Variants in DLG2 observed in about 807,000 individuals in gnomAD.
DLG2 encodes discs large MAGUK scaffold protein 2, also known as disks large homolog 2.
Under a neutral mutation model 132.5 loss-of-function variants are expected in DLG2, and 45 were observed. The ratio of observed to expected loss-of-function variants is 0.34; its 90% CI spans 0.27 to 0.44. The LOEUF is 0.44. Among genes scored for constraint, DLG2 ranks in the 20% least tolerant of loss-of-function variants. The pLI is 1.00. For synonymous variants in DLG2, 424 were observed against 419.6 expected (o/e 1.01, Z -0.13); for missense variants, 1,045 against 1,196.9 (o/e 0.87, Z 1.87).
At chr11:83,577,582 A>ATATATATATATATATATG (rs2096895555) in intron 19 of DLG2, among the ~76,000 whole-genome samples, 1 of 117,712 alleles carries the variant, frequency 8.5e-6, no homozygotes, top group Non-Finnish European at 1.7e-5. Context: ...ATATATATAT[A>ATATATATATATATATATG]TATATCCTAT....
chr11:84,614,976 T>G (rs1186457955), intron 6 of DLG2, among the ~76,000 whole-genome samples: 2 of 152,014 alleles, frequency 1.3e-5, no homozygotes, highest in East Asian at 1.9e-4. Context: ...AAGAAAGAAA[T>G]AAACATAACT....
chr11:85,541,155 G>A (rs375131303), intron 3 of DLG2, among the ~76,000 whole-genome samples: 30 of 152,080 alleles, frequency 2.0e-4, no homozygotes, highest in East Asian at 1.7e-3. Flanking sequence ...GCCATCCTAA[G>A]GACTTTTAAC....
intron 3 of DLG2, among the ~76,000 whole-genome samples, chr11:85,492,232 T>G (rs1474232573): frequency 6.6e-6 from 1 of 152,184 alleles, no homozygotes; most frequent in African/African-American, 2.4e-5. Flanking sequence ...GTGTATTCGG[T>G]TGGTGCAAAA....
At chr11:84,502,362 CTTT>C (rs2099220005) in intron 7 of DLG2, among the ~76,000 whole-genome samples, 4 of 71,220 alleles carry the variant, frequency 5.6e-5, no homozygotes, top group Non-Finnish European at 1.0e-4. Context: ...TTCTTTCTTT[CTTT>C]CTTTCTTTCT....
chr11:85,060,479 GTA>G (rs150765698), intron 6 of DLG2, among the ~76,000 whole-genome samples: 24 of 149,248 alleles, frequency 1.6e-4, no homozygotes, highest in South Asian at 6.3e-4. Context: ...ATATATATGT[GTA>G]TATATATATA....
At chr11:84,596,435 C>A (rs1262847457) in intron 6 of DLG2, among the ~76,000 whole-genome samples, 1 of 148,790 alleles carries the variant, frequency 6.7e-6, no homozygotes, top group African/African-American at 2.5e-5. Flanking sequence ...GTTGGCCAGG[C>A]TCCTCTCGAA....
chr11:84,254,791 T>C lies in DLG2; in HGVS notation c.520-3500A>G, dbSNP rs145612795. Reference sequence around the variant, plus strand: ...TAAGATCTATGTTATGTGGAATCTATGTTATATGGAAAGTTTATTATTCCT... The same window carrying C: ...TAAGATCTATGTTATGTGGAATCTACGTTATATGGAAAGTTTATTATTCCT... On this transcript the variant is annotated intron_variant, in intron 7 of 27. Transcript: ENST00000376104. 3.3e-3 allele frequency among the ~76,000 whole-genome samples: 502 copies of C among 152,340 alleles called. 3 individuals carry two copies. Among genetic ancestry groups the C allele is most frequent in the African/African-American group, 0.011 (442 of 41,574 alleles).
chr11:83,485,954 C>T (rs1185835453), intron 21 of DLG2, among the ~76,000 whole-genome samples: 1 of 151,812 alleles, frequency 6.6e-6, no homozygotes, highest in Non-Finnish European at 1.5e-5. Context: ...AATAATGAAC[C>T]AAATAATTAA....
intron 21 of DLG2, among the ~76,000 whole-genome samples, chr11:83,521,507 T>C (rs2095479823): frequency 6.6e-6 from 1 of 152,216 alleles, no homozygotes; most frequent in Non-Finnish European, 1.5e-5. Flanking sequence ...TACTTAATGC[T>C]GCAGACTTGA....
chr11:85,529,995 T>TG (rs1555174000), intron 3 of DLG2, among the ~76,000 whole-genome samples: 1 of 150,186 alleles, frequency 6.7e-6, no homozygotes, highest in Non-Finnish European at 1.5e-5. Context: ...TTGTTTTTTT[T>TG]TTTTTTTTTT....
At chr11:83,666,714 A>T (rs1362294553) in intron 18 of DLG2, among the ~76,000 whole-genome samples, 1 of 152,204 alleles carries the variant, frequency 6.6e-6, no homozygotes, top group Non-Finnish European at 1.5e-5. Flanking sequence ...TAATAAAGTG[A>T]TCCTTGTACC....
chr11:83,716,142 G>A (rs1430784673), intron 18 of DLG2, among the ~76,000 whole-genome samples: 1 of 152,202 alleles, frequency 6.6e-6, no homozygotes, highest in African/African-American at 2.4e-5. Context: ...AAAACTCCAT[G>A]AGAGTCCTAA....
chr11:83,860,444 C>T (rs930963538), intron 16 of DLG2, among the ~76,000 whole-genome samples: 1 of 152,128 alleles, frequency 6.6e-6, no homozygotes, highest in Non-Finnish European at 1.5e-5. Context: ...GATTTGACTG[C>T]CACGCTGGAT....
At chr11:83,554,039 T>C (rs2096461188) in intron 19 of DLG2, among the ~76,000 whole-genome samples, 1 of 151,844 alleles carries the variant, frequency 6.6e-6, no homozygotes, top group Non-Finnish European at 1.5e-5. Flanking sequence ...GTAGTAACCA[T>C]GTCGGGCTAA....
intron 6 of DLG2, among the ~76,000 whole-genome samples, chr11:84,573,510 G>T (rs926887751): frequency 1.3e-5 from 2 of 151,990 alleles, no homozygotes; most frequent in African/African-American, 4.8e-5. Flanking sequence ...TTAACATTAA[G>T]GTAGGCTGAC....
chr11:83,758,405 T>C (rs1274508780), intron 18 of DLG2, among the ~76,000 whole-genome samples: 3 of 152,222 alleles, frequency 2.0e-5, no homozygotes, highest in Admixed American at 6.5e-5. Context: ...ACCAGCCATG[T>C]TCCTTTTCCA....
chr11:83,880,735 T>A (rs1193766197), intron 15 of DLG2, among the ~76,000 whole-genome samples: 4 of 152,146 alleles, frequency 2.6e-5, no homozygotes, highest in South Asian at 4.1e-4. Flanking sequence ...TATAATTGAA[T>A]TTGATTTTGT....
chr11:85,390,057 C>G (rs2086667572), intron 3 of DLG2, among the ~76,000 whole-genome samples: 1 of 152,008 alleles, frequency 6.6e-6, no homozygotes, highest in African/African-American at 2.4e-5. Context: ...TTAAAAGATA[C>G]AAAATGGCAG....
At chr11:84,964,710 A>G (rs181903708) in intron 6 of DLG2, among the ~76,000 whole-genome samples, 5 of 152,236 alleles carry the variant, frequency 3.3e-5, no homozygotes, top group African/African-American at 9.6e-5. Flanking sequence ...CTTAGTCTTT[A>G]CACAGTTTAT....
Sources: gnomAD v4.1 joint callset for allele counts (sites outside exome capture counted in the v4.1 genomes callset) on GRCh38, gnomAD v4.1.1 for gene constraint, MANE v1.5 for transcripts, NCBI Gene and HGNC (gene_info 2026-07-23, HGNC 2026-07-21) for gene names.